Variants in STK32B observed in about 807,000 individuals in gnomAD.
The protein encoded by STK32B is serine/threonine-protein kinase 32B.
A neutral mutation model predicts 52.6 loss-of-function variants in STK32B; 43 were observed. That is an observed-to-expected ratio of 0.82 (90% CI 0.64 to 1.05). The LOEUF (loss-of-function observed/expected upper bound fraction) is 1.05. STK32B is among the 50% of genes least tolerant of loss of function. The pLI, the probability that STK32B is intolerant of heterozygous loss-of-function variation, is 0.00. For missense variants in STK32B, 621 were observed against 534.6 expected (o/e 1.16, Z -1.59); for synonymous variants, 238 against 204.3 (o/e 1.17, Z -1.41).
intron 1 of STK32B, among the ~76,000 whole-genome samples, chr4:5,119,070 G>A (rs1020771882): frequency 1.3e-5 from 2 of 152,148 alleles, no homozygotes; most frequent in African/African-American, 4.8e-5. Flanking sequence ...TATGTAATCT[G>A]TATGAATCTG....
chr4:5,452,224 C>T (rs887889721), intron 7 of STK32B, among the ~76,000 whole-genome samples: 1 of 152,190 alleles, frequency 6.6e-6, no homozygotes, highest in African/African-American at 2.4e-5. Flanking sequence ...CCAGTCAGCA[C>T]TTCTCCTTAG....
chr4:5,326,354 C>T (rs1408946979), intron 3 of STK32B, among the ~76,000 whole-genome samples: 4 of 152,018 alleles, frequency 2.6e-5, no homozygotes, highest in African/African-American at 4.8e-5. Context: ...TTCCAAGTCA[C>T]AGAAATTCAA....
intron 8 of STK32B, among the ~76,000 whole-genome samples, chr4:5,457,221 T>C (rs988812402): frequency 1.3e-5 from 2 of 148,528 alleles, no homozygotes; most frequent in Non-Finnish European, 3.0e-5. Flanking sequence ...TCTTTTTTTT[T>C]TTTTTTTTTT....
intron 6 of STK32B, among the ~76,000 whole-genome samples, chr4:5,442,417 G>A (rs1714875034): frequency 6.6e-6 from 1 of 151,798 alleles, no homozygotes; most frequent in Non-Finnish European, 1.5e-5. Flanking sequence ...TCAGAGACTA[G>A]GATTGCAACC....
At chr4:5,267,376 CGCTTTCCCT>C (rs1219571617) in intron 3 of STK32B, among the ~76,000 whole-genome samples, 1 of 152,166 alleles carries the variant, frequency 6.6e-6, no homozygotes, top group African/African-American at 2.4e-5. Flanking sequence ...TGCCCCTCCC[CGCTTTCCCT>C]GAGTTTCTCA....
chr4:5,482,483 G>C (rs1177464682), intron 11 of STK32B, among the ~76,000 whole-genome samples: 1 of 152,040 alleles, frequency 6.6e-6, no homozygotes, highest in Admixed American at 6.5e-5. Context: ...AGGAGATTTT[G>C]GGCTGAGATG....
At chr4:5,085,992 G>A (rs1334921684) in intron 1 of STK32B, among the ~76,000 whole-genome samples, 1 of 141,048 alleles carries the variant, frequency 7.1e-6, no homozygotes, top group Non-Finnish European at 1.7e-5. Flanking sequence ...AACTTTCCCA[G>A]TGCTACTTGG....
In STK32B at chr4:5,331,225, C is replaced by T. The variant is rs267600181; in HGVS notation, c.266C>T (p.Ser89Phe). ...CTGTCCTTCTGTGCTCCTAGGTACT[C>T]CTTCCAGGATGAGGAGGACATGTTC... ...EHPFLVNLWY[S>F]FQDEEDMFMV... is the part of the protein sequence containing the mutation. The change falls in exon 4 of 12, where the codon TCC (serine) becomes TTC (phenylalanine). Residue 89 changes from serine (S) to phenylalanine (F), a missense_variant. By Grantham distance (155) the Ser-to-Phe change is radical. Transcript: ENST00000282908. 6.2e-7 allele frequency: 1 copy of T among 1,611,910 alleles called. No homozygotes were observed. The highest frequency in any genetic ancestry group is 1.3e-5 in the African/African-American group (1 of 75,008).
chr4:5,438,266 T>C (rs1276709887), intron 6 of STK32B, among the ~76,000 whole-genome samples: 1 of 152,220 alleles, frequency 6.6e-6, no homozygotes, highest in Non-Finnish European at 1.5e-5. Flanking sequence ...AAGCCCAGCT[T>C]CGGGCTCAGT....
chr4:5,465,542 C>G (rs1717365948), intron 9 of STK32B, among the ~76,000 whole-genome samples: 1 of 152,128 alleles, frequency 6.6e-6, no homozygotes, highest in South Asian at 2.1e-4. Context: ...GGTGAGGGGA[C>G]AGCAGAGAAG....
intron 8 of STK32B, among the ~76,000 whole-genome samples, chr4:5,459,196 G>T (rs1716823704): frequency 6.6e-6 from 1 of 152,122 alleles, no homozygotes; most frequent in Non-Finnish European, 1.5e-5. Flanking sequence ...CACTCAATGG[G>T]CATAGGTGGG....
chr4:5,096,563 A>G (rs1399918060), intron 1 of STK32B, among the ~76,000 whole-genome samples: 2 of 152,154 alleles, frequency 1.3e-5, no homozygotes, highest in East Asian at 1.9e-4. Context: ...GAAGGGCTAC[A>G]TTATTTCTAG....
chr4:5,374,074 AGGCC>A (rs1478084016), intron 4 of STK32B, among the ~76,000 whole-genome samples: 1 of 152,228 alleles, frequency 6.6e-6, no homozygotes, highest in Admixed American at 6.5e-5. Flanking sequence ...AGAGGGGAGA[AGGCC>A]ATGTGAAATG....
intron 5 of STK32B, among the ~76,000 whole-genome samples, chr4:5,405,118 G>A (rs1463586951): frequency 1.3e-5 from 2 of 151,748 alleles, no homozygotes; most frequent in African/African-American, 2.4e-5. Context: ...CACCCACCTT[G>A]GCCTCCCAAA....
chr4:5,366,137 C>T (rs1734862037), intron 4 of STK32B, among the ~76,000 whole-genome samples: 1 of 152,118 alleles, frequency 6.6e-6, no homozygotes, highest in Admixed American at 6.5e-5. Flanking sequence ...CCCTTGATCC[C>T]CCACCTATTG....
At chr4:5,376,887 C>G (rs1271707375) in intron 4 of STK32B, among the ~76,000 whole-genome samples, 1 of 152,186 alleles carries the variant, frequency 6.6e-6, no homozygotes, top group Non-Finnish European at 1.5e-5. Context: ...GCCTCCACCT[C>G]TGCCATACCC....
chr4:5,066,664 A>G (rs979042309), intron 1 of STK32B, among the ~76,000 whole-genome samples: 8 of 152,212 alleles, frequency 5.3e-5, no homozygotes, highest in African/African-American at 1.9e-4. Context: ...GCACATGACA[A>G]CTGTCCCATA....
At chr4:5,337,535 T>C (rs1732789608) in intron 4 of STK32B, among the ~76,000 whole-genome samples, 1 of 152,146 alleles carries the variant, frequency 6.6e-6, no homozygotes, top group Non-Finnish European at 1.5e-5. Flanking sequence ...ATGATGCTGA[T>C]GGGATATCAG....
At chr4:5,232,221 A>G (rs573258209) in intron 3 of STK32B, among the ~76,000 whole-genome samples, 6 of 152,348 alleles carry the variant, frequency 3.9e-5, no homozygotes, top group African/African-American at 1.4e-4. Flanking sequence ...GAAATCGATG[A>G]TAGTCTATTA....
Sources: gnomAD v4.1 joint callset for allele counts (sites outside exome capture counted in the v4.1 genomes callset) on GRCh38, gnomAD v4.1.1 for gene constraint, MANE v1.5 for transcripts, NCBI Gene and HGNC (gene_info 2026-07-23, HGNC 2026-07-21) for gene names.